The following FAM178B variants were observed in gnomAD, a reference collection of about 807,000 sequenced individuals.
The protein encoded by FAM178B is family with sequence similarity 178 member B.
FAM178B carries 82 observed loss-of-function variants against 91.7 expected under a neutral mutation model. The observed-to-expected ratio is 0.89, with a 90% CI of 0.75 to 1.07. The LOEUF is 1.07. FAM178B is among the 50% of genes least tolerant of loss of function. The pLI, the probability that FAM178B is intolerant of heterozygous loss-of-function variation, is 0.00. For synonymous variants in FAM178B, 368 were observed against 359.4 expected, an observed-to-expected ratio of 1.02 and a Z score of -0.27; for missense variants, 769 against 846.7, an observed-to-expected ratio of 0.91 and a Z score of 1.14.
At chr2:96,941,143 T>A (rs72942970) in intron 8 of FAM178B, among the ~76,000 whole-genome samples, 1,909 of 152,322 alleles carry the variant, frequency 0.013, 50 homozygotes, top group African/African-American at 0.044. Context: ...CGGGAAATAA[T>A]CACAAGAAAC....
chr2:96,946,886 CGGA>C (rs1217090250), intron 8 of FAM178B, among the ~76,000 whole-genome samples: 2 of 152,202 alleles, frequency 1.3e-5, no homozygotes, highest in African/African-American at 4.8e-5. Flanking sequence ...AGGGCAGGGG[CGGA>C]GGAGTCTGGA....
At chr2:96,877,842 T>C (rs1423502865) in intron 16 of FAM178B, 48 bp downstream of exon 16, 1 of 1,585,122 alleles carries the variant, frequency 6.3e-7, no homozygotes, top group South Asian at 1.1e-5. Flanking sequence ...CAGCCCTGCC[T>C]GACCACTTCC....
intron 12 of FAM178B, among the ~76,000 whole-genome samples, chr2:96,920,426 C>T (rs2081315639): frequency 6.6e-6 from 1 of 152,046 alleles, no homozygotes; most frequent in African/African-American, 2.4e-5. Context: ...ACGGTGAAAC[C>T]CTGTCTCCAC....
At chr2:96,975,896 A>C (rs906646707) in intron 1 of FAM178B, among the ~76,000 whole-genome samples, 3 of 151,702 alleles carry the variant, frequency 2.0e-5, no homozygotes, top group African/African-American at 7.3e-5. Context: ...TACAGGCATG[A>C]ACCACCGCGC....
rs140125052 is a variant in FAM178B, at chr2:96,925,428, C to T, written c.1194-1845G>A. ...ACTAATGGGCAACATAATGGGGGTC[C>T]TCTAATCCTCGCTTTTCAGAGGAAT... On this transcript the variant is annotated intron_variant, in intron 9 of 16. Coordinates refer to ENST00000490605, the MANE Select transcript of FAM178B (RefSeq NM_001122646.3). 2.7e-3 allele frequency among the ~76,000 whole-genome samples: 404 copies of T among 152,248 alleles called. 1 individual carries two copies. The highest frequency in any genetic ancestry group is 9.5e-3 in the African/African-American group (395 of 41,538).
At chr2:96,911,075 CTTTT>C (rs961674832) in intron 12 of FAM178B, among the ~76,000 whole-genome samples, 1 of 151,314 alleles carries the variant, frequency 6.6e-6, no homozygotes, top group Non-Finnish European at 1.5e-5. Context: ...GCCCTAGAAT[CTTTT>C]TTTTTAAGTT....
Position 96,936,471 on chromosome 2 carries a change from A to AT in FAM178B, c.1079-7152dup, listed in dbSNP as rs561307526. Among the ~76,000 whole-genome samples the AT allele has an allele frequency of 2.5e-4, 36 of 146,638 alleles. No individual in the cohort carries two copies. The East Asian group carries it at 4.2e-3, about 17-fold the overall frequency. On this transcript the variant is annotated intron_variant, in intron 8 of 16. Coordinates refer to ENST00000490605, the MANE Select transcript of FAM178B (RefSeq NM_001122646.3). The stretch of plus-strand genomic sequence containing the variant: ...CCGCCTTGGCCTCCCAAAGTGCTGG[A>AT]TTACAGGCGTGAGCCACCACGCCCG...
chr2:96,951,291 G>A (rs2153373459), intron 7 of FAM178B, 88 bp downstream of exon 7: 1 of 930,036 alleles, frequency 1.1e-6, no homozygotes, highest in Non-Finnish European at 1.7e-6. Flanking sequence ...GCAAGAAGAG[G>A]TGAAGTGCCC....
At chr2:96,919,065 T>C (rs2153370666) in intron 12 of FAM178B, among the ~76,000 whole-genome samples, 1 of 152,294 alleles carries the variant, frequency 6.6e-6, no homozygotes, top group Middle Eastern at 3.4e-3. Context: ...AGCCCGTCAA[T>C]GCTCCCAGCT....
chr2:96,924,427 G>A (rs2081399955), intron 9 of FAM178B, among the ~76,000 whole-genome samples: 2 of 152,224 alleles, frequency 1.3e-5, no homozygotes, highest in African/African-American at 4.8e-5. Flanking sequence ...CAGTTTCCCC[G>A]AGTGACGGAC....
Position 96,951,410 on chromosome 2 carries a change from C to T in FAM178B, c.962G>A (p.Cys321Tyr), listed in dbSNP as rs1277876368. 2 of 1,551,510 alleles carry T rather than the reference C, an allele frequency of 1.3e-6. No homozygotes were observed. Among genetic ancestry groups the T allele is most frequent in the South Asian group, 1.2e-5 (1 of 84,046 alleles). ...CAGCCACTGGAGCAGGGATACCGGG[C>T]AGTCAGGCATGTGCAGGTAGAGGAT... ...LNILYLHMPD[C>Y]PVSLLQWLFQ... is the part of the protein sequence containing the mutation. Residue 321 changes from cysteine to tyrosine, a missense_variant, in exon 7 of 17, where the codon TGC becomes TAC. Coordinates refer to ENST00000490605, the MANE Select transcript of FAM178B (RefSeq NM_001122646.3).
rs546253935 is a variant in FAM178B at position 96,907,964 on chromosome 2, G to A, written c.1563-5257C>T. On this transcript the variant is annotated intron_variant, in intron 12 of 16. Transcript: ENST00000490605. ...AGCAACGGCAGTGGCCTGTTCCACC[G>A]TGGCAATGCTGCCTGACATGCTGCC... Among the ~76,000 whole-genome samples the A allele has an allele frequency of 3.3e-4, 51 of 152,368 alleles. No individual in the cohort carries two copies. The South Asian group carries it at 0.01, about 30-fold the overall frequency.
intron 8 of FAM178B, among the ~76,000 whole-genome samples, chr2:96,935,392 C>A (rs983061359): frequency 1.3e-5 from 2 of 152,102 alleles, no homozygotes; most frequent in Non-Finnish European, 1.5e-5. Context: ...CTGGTAGAGG[C>A]CCAGCTATTA....
At chr2:96,891,797 G>A (rs1391679013) in intron 14 of FAM178B, among the ~76,000 whole-genome samples, 3 of 152,174 alleles carry the variant, frequency 2.0e-5, no homozygotes, top group Non-Finnish European at 4.4e-5. Context: ...AGCCGCACAG[G>A]GCAGGAAATC....
chr2:96,967,667 T>C, intron 4 of FAM178B, 40 bp from the exon 5 acceptor site: 2 of 1,372,246 alleles, frequency 1.5e-6, no homozygotes, highest in Non-Finnish European at 2.0e-6. Flanking sequence ...GTCAGTGTTG[T>C]TCCCCATCGT....
At chr2:96,979,273 G>GC (rs1303663531) in intron 1 of FAM178B, among the ~76,000 whole-genome samples, 8 of 103,956 alleles carry the variant, frequency 7.7e-5, no homozygotes, top group Non-Finnish European at 1.5e-4. Flanking sequence ...CTGCGCCCAG[G>GC]CATTTTTTTT....
chr2:96,965,612 G>A (rs974362321), intron 5 of FAM178B, among the ~76,000 whole-genome samples: 2 of 152,042 alleles, frequency 1.3e-5, no homozygotes, highest in Non-Finnish European at 2.9e-5. Context: ...ACGGGCATGT[G>A]CCAACACATC....
chr2:96,908,477 C>G (rs2081095725), intron 12 of FAM178B, among the ~76,000 whole-genome samples: 1 of 151,620 alleles, frequency 6.6e-6, no homozygotes. Flanking sequence ...AGGCAGGAGG[C>G]TCATTTGAGG....
intron 6 of FAM178B, among the ~76,000 whole-genome samples, chr2:96,955,763 T>C (rs2081990746): frequency 6.6e-6 from 1 of 152,152 alleles, no homozygotes; most frequent in Non-Finnish European, 1.5e-5. Flanking sequence ...TACCTCCGCT[T>C]GCTCTTTATT....
Sources: gnomAD v4.1 joint callset for allele counts (sites outside exome capture counted in the v4.1 genomes callset) on GRCh38, gnomAD v4.1.1 for gene constraint, MANE v1.5 for transcripts, NCBI Gene and HGNC (gene_info 2026-07-23, HGNC 2026-07-21) for gene names.